CNTNAP2: variants seen among roughly 807,000 people sequenced by gnomAD.
CNTNAP2 encodes the protein contactin-associated protein-like 2.
A neutral mutation model predicts 155.2 loss-of-function variants in CNTNAP2; 98 were observed. The ratio of observed to expected loss-of-function variants is 0.63; its 90% CI spans 0.54 to 0.75. The LOEUF is 0.75. Ranked by LOEUF, CNTNAP2 falls within the 30% of genes least tolerant of loss-of-function variation. The probability of loss-of-function intolerance (pLI) is 0.00; values close to 1 mark genes in which losing one functional copy is unlikely to be tolerated. For synonymous variants in CNTNAP2, 651 were observed against 631.2 expected, an observed-to-expected ratio of 1.03 and a Z score of -0.47; for missense variants, 1,727 against 1,688.1, an observed-to-expected ratio of 1.02 and a Z score of -0.40.
At chr7:147,041,374 G>T (rs1799256404) in intron 3 of CNTNAP2, among the ~76,000 whole-genome samples, 1 of 152,148 alleles carries the variant, frequency 6.6e-6, no homozygotes, top group Non-Finnish European at 1.5e-5. Context: ...GAAAGGAAAA[G>T]TATTTTTTTT....
At chr7:147,434,114 A>C (rs1315908374) in intron 10 of CNTNAP2, among the ~76,000 whole-genome samples, 1 of 152,212 alleles carries the variant, frequency 6.6e-6, no homozygotes, top group Non-Finnish European at 1.5e-5. Context: ...ATAGAAAGTG[A>C]AGAAATATGT....
At chr7:146,405,942 G>A (rs929437783) in intron 1 of CNTNAP2, among the ~76,000 whole-genome samples, 1 of 152,142 alleles carries the variant, frequency 6.6e-6, no homozygotes, top group African/African-American at 2.4e-5. Context: ...AAGCATGAGT[G>A]AGTAGTTGGA....
chr7:147,295,555 C>T (rs931642316), intron 8 of CNTNAP2, among the ~76,000 whole-genome samples: 3 of 152,020 alleles, frequency 2.0e-5, no homozygotes, highest in Non-Finnish European at 4.4e-5. Context: ...AAAGTATCAC[C>T]ATGGCTAGCA....
intron 20 of CNTNAP2, among the ~76,000 whole-genome samples, chr7:148,259,350 T>A: frequency 6.8e-6 from 1 of 147,700 alleles, no homozygotes. Flanking sequence ...AATAAGACCC[T>A]GCCTCAAAAA....
At chr7:146,286,056 G>A (rs1007276026) in intron 1 of CNTNAP2, among the ~76,000 whole-genome samples, 6 of 121,998 alleles carry the variant, frequency 4.9e-5, no homozygotes, top group Non-Finnish European at 8.3e-5. Context: ...TTTTCAAGGA[G>A]TTGAAGTTTC....
intron 3 of CNTNAP2, among the ~76,000 whole-genome samples, chr7:146,866,998 G>A (rs984357364): frequency 1.3e-5 from 2 of 151,988 alleles, no homozygotes; most frequent in Non-Finnish European, 2.9e-5. Context: ...AACCTAGAAG[G>A]ATATATGGAA....
chr7:148,135,789 C>T (rs1175533858), intron 16 of CNTNAP2, among the ~76,000 whole-genome samples: 1 of 129,506 alleles, frequency 7.7e-6, no homozygotes, highest in African/African-American at 3.0e-5. Flanking sequence ...GGGGAGGTTG[C>T]AGTGAGCCAA....
intron 18 of CNTNAP2, among the ~76,000 whole-genome samples, chr7:148,187,141 C>CACAG (rs1283142589): frequency 2.0e-5 from 3 of 146,558 alleles, no homozygotes; most frequent in Non-Finnish European, 4.5e-5. Flanking sequence ...CACACACACA[C>CACAG]ACACACAAAC....
chr7:146,560,417 G>C (rs892316274), intron 1 of CNTNAP2, among the ~76,000 whole-genome samples: 1 of 151,784 alleles, frequency 6.6e-6, no homozygotes, highest in Admixed American at 6.6e-5. Context: ...GTGTATACAC[G>C]TGTGTGTATA....
chr7:146,816,356 T>G (rs899217863), intron 2 of CNTNAP2, among the ~76,000 whole-genome samples: 8 of 152,114 alleles, frequency 5.3e-5, no homozygotes, highest in African/African-American at 1.9e-4. Flanking sequence ...GGGTCCAGAT[T>G]GGAAGAGGAT....
At chr7:146,939,267 G>A (rs577973638) in intron 3 of CNTNAP2, among the ~76,000 whole-genome samples, 135 of 152,148 alleles carry the variant, frequency 8.9e-4, no homozygotes, top group African/African-American at 3.0e-3. Context: ...ATAGGAGTTC[G>A]TTTTGAATTC....
chr7:146,838,972 T>C (rs1428198917), intron 2 of CNTNAP2, among the ~76,000 whole-genome samples: 1 of 152,176 alleles, frequency 6.6e-6, no homozygotes, highest in Non-Finnish European at 1.5e-5. Flanking sequence ...TAAATATTAC[T>C]GTAAATTAAG....
intron 18 of CNTNAP2, among the ~76,000 whole-genome samples, chr7:148,195,938 T>C (rs1329870885): frequency 1.3e-5 from 2 of 152,208 alleles, no homozygotes; most frequent in Non-Finnish European, 2.9e-5. Flanking sequence ...TCCTTACAAA[T>C]GCATTCTACT....
intron 1 of CNTNAP2, among the ~76,000 whole-genome samples, chr7:146,469,759 C>T (rs767726346): frequency 1.3e-4 from 19 of 151,524 alleles, no homozygotes; most frequent in South Asian, 4.2e-4. Flanking sequence ...AACTCCTGAT[C>T]GCAAGAGATC....
rs531514490 is a variant in CNTNAP2, at chr7:146,144,433, T to G, written c.97+27460T>G. Among the ~76,000 whole-genome samples the G allele has an allele frequency of 1.6e-3, 248 of 152,264 alleles. 2 individuals are homozygous for G. Among genetic ancestry groups the G allele is most frequent in the African/African-American group, 5.8e-3 (241 of 41,564 alleles). On this transcript the variant is annotated intron_variant, in intron 1 of 23. Coordinates refer to ENST00000361727, the MANE Select transcript of CNTNAP2 (RefSeq NM_014141.6). ...TCCAAAAGTGCTAGGATTATAGATG[T>G]GAGCTACTGCACCCTGAGACTTTTA...
chr7:147,262,871 T>A (rs1804523154), intron 8 of CNTNAP2, among the ~76,000 whole-genome samples: 1 of 152,082 alleles, frequency 6.6e-6, no homozygotes, highest in Admixed American at 6.5e-5. Flanking sequence ...AGAACCCAAA[T>A]GTACTGACAA....
chr7:147,918,710 C>T (rs572375867), intron 14 of CNTNAP2, among the ~76,000 whole-genome samples: 2 of 152,124 alleles, frequency 1.3e-5, no homozygotes, highest in Admixed American at 6.5e-5. Flanking sequence ...AAAAACTACC[C>T]TTATGCAGGA....
chr7:147,996,822 A>C (rs753218610), intron 15 of CNTNAP2, among the ~76,000 whole-genome samples: 4 of 152,236 alleles, frequency 2.6e-5, no homozygotes, highest in Non-Finnish European at 5.9e-5. Flanking sequence ...CAAAAGGCTC[A>C]ATCAGTCATC....
intron 9 of CNTNAP2, among the ~76,000 whole-genome samples, chr7:147,382,833 C>T (rs1796558335): frequency 6.6e-6 from 1 of 152,024 alleles, no homozygotes; most frequent in Admixed American, 6.6e-5. Context: ...AGGAAAACCT[C>T]GAATGATGTA....
Sources: allele counts gnomAD v4.1 joint callset (sites outside exome capture counted in the v4.1 genomes callset), GRCh38; gene constraint gnomAD v4.1.1; transcripts MANE v1.5; gene names NCBI Gene and HGNC (gene_info 2026-07-23, HGNC 2026-07-21).